POM121C: variants seen among roughly 807,000 people sequenced by gnomAD.
The protein encoded by POM121C is nuclear envelope pore membrane protein POM 121C.
In POM121C, 20 loss-of-function variants were observed where a neutral mutation model predicts 66.4. The observed-to-expected ratio is 0.30, with a 90% confidence interval of 0.21 to 0.44. POM121C has a LOEUF of 0.44. Among genes scored for constraint, POM121C ranks in the 20% least tolerant of loss-of-function variants. The pLI is 1.00. For synonymous variants in POM121C, 286 were observed against 528.0 expected, an observed-to-expected ratio of 0.54 and a Z score of 6.28; for missense variants, 580 against 1,225.7, an observed-to-expected ratio of 0.47 and a Z score of 7.87.
chr7:75,435,882 T>C (rs1472313973), intron 7 of POM121C, among the ~76,000 whole-genome samples: 1 of 152,092 alleles, frequency 6.6e-6, no homozygotes, highest in Non-Finnish European at 1.5e-5. Flanking sequence ...AAACCTTGTG[T>C]CAAACTAAAA....
At chr7:75,479,665 A>G (rs1792237581) in intron 1 of POM121C, among the ~76,000 whole-genome samples, 1 of 150,292 alleles carries the variant, frequency 6.7e-6, no homozygotes, top group Non-Finnish European at 1.5e-5. Context: ...AGTTTAATTA[A>G]CAACAACGTA....
chr7:75,475,588 C>A (rs1792043184), intron 1 of POM121C, among the ~76,000 whole-genome samples: 3 of 151,294 alleles, frequency 2.0e-5, no homozygotes, highest in African/African-American at 7.3e-5. Context: ...GTTGGAGTGC[C>A]CACCACTCAG....
intron 3 of POM121C, among the ~76,000 whole-genome samples, chr7:75,443,346 T>A (rs1429816350): frequency 6.6e-6 from 1 of 150,980 alleles, no homozygotes; most frequent in Non-Finnish European, 1.5e-5. Context: ...GGCTTTCTCG[T>A]AGCAGCATAA....
chr7:75,457,011 G>C (rs1322871513), intron 3 of POM121C, among the ~76,000 whole-genome samples: 1 of 150,066 alleles, frequency 6.7e-6, no homozygotes, highest in Non-Finnish European at 1.5e-5. Flanking sequence ...GCTGGGCATG[G>C]TGGCAGGCGC....
intron 3 of POM121C, among the ~76,000 whole-genome samples, chr7:75,466,209 A>G (rs1191508742): frequency 1.7e-5 from 2 of 120,238 alleles, no homozygotes; most frequent in East Asian, 2.4e-3. Flanking sequence ...GAGAAGAAGC[A>G]ATAAAAAAAA....
At chr7:75,430,521 A>G (rs1790125431) in intron 7 of POM121C, among the ~76,000 whole-genome samples, 1 of 152,328 alleles carries the variant, frequency 6.6e-6, no homozygotes, top group East Asian at 1.9e-4. Flanking sequence ...CACAAAAATC[A>G]ATTTCAGGTG....
rs1789497742 is a variant in POM121C, at chr7:75,417,112, A to G, written c.*1684T>C. 1 of 1,023,442 alleles carries G rather than the reference A, an allele frequency of 9.8e-7. No homozygotes were observed. The highest frequency in any genetic ancestry group is 4.0e-5 in the South Asian group (1 of 25,114). The allele number at this position is 1,023,442 out of a possible 1,614,324, so 63.4% of individuals were successfully genotyped here. The stretch of plus-strand genomic sequence containing the variant: ...GACCCTCCAATCCTAACAGGTATTT[A>G]GGCTTGAGGTTCACTCCCTCCTCAG... On this transcript the variant is annotated 3_prime_UTR_variant, in exon 15 of 15. Transcript: ENST00000615331.
chr7:75,427,614 A>G (rs1384883345), intron 7 of POM121C, among the ~76,000 whole-genome samples: 56 of 151,754 alleles, frequency 3.7e-4, no homozygotes, highest in African/African-American at 9.4e-4. Context: ...ACAGACCAGC[A>G]GCAAAGTAGA....
intron 3 of POM121C, among the ~76,000 whole-genome samples, chr7:75,459,566 C>A (rs1791374102): frequency 1.3e-5 from 1 of 77,490 alleles, no homozygotes; most frequent in Non-Finnish European, 2.3e-5. Context: ...CACCAGTGCA[C>A]TCCAGCCTGG....
intron 1 of POM121C, among the ~76,000 whole-genome samples, chr7:75,484,824 A>T (rs1554480638): frequency 1.3e-5 from 2 of 152,072 alleles, no homozygotes; most frequent in Non-Finnish European, 2.9e-5. Context: ...AAAGAAAAAA[A>T]ATTCCCATTA....
At chr7:75,452,887 ACAGT>A (rs782173392) in intron 3 of POM121C, among the ~76,000 whole-genome samples, 15 of 152,156 alleles carry the variant, frequency 9.9e-5, no homozygotes, top group Non-Finnish European at 2.2e-4. Flanking sequence ...TGTGGCAGAA[ACAGT>A]CAGTTGCATC....
At chr7:75,421,434 C>A in intron 13 of POM121C, 75 bp downstream of exon 13, 1 of 1,599,848 alleles carries the variant, frequency 6.3e-7, no homozygotes, top group Non-Finnish European at 8.5e-7. Flanking sequence ...AGCATAAGCT[C>A]CCCGAGACCA....
chr7:75,437,654 T>C lies in POM121C; in HGVS notation c.341A>G (p.Gln114Arg), dbSNP rs587775631. The change falls in exon 7 of 15, where the codon CAG (glutamine) becomes CGG (arginine). Residue 114 changes from glutamine (Q) to arginine (R), a missense_variant. Transcript: ENST00000615331. Reference sequence around the variant, plus strand: ...CTTATTCAAGTGGTCATCTGAGCTCTGAGAATTGAGGCCTCTCTTCAGAGA... The same window carrying C: ...CTTATTCAAGTGGTCATCTGAGCTCCGAGAATTGAGGCCTCTCTTCAGAGA... ...PGSLKRGLNS[Q>R]SSDDHLNKRS... The C allele has an allele frequency of 7.2e-5, 116 of 1,612,842 alleles. 1 individual carries two copies. The South Asian group carries it at 1.2e-3, about 17-fold the overall frequency.
At chr7:75,468,049 T>C (rs1380789567) in intron 3 of POM121C, among the ~76,000 whole-genome samples, 2 of 145,204 alleles carry the variant, frequency 1.4e-5, no homozygotes, top group Non-Finnish European at 3.0e-5. Context: ...GGAGAATTGC[T>C]TGAACTGAGG....
intron 1 of POM121C, among the ~76,000 whole-genome samples, chr7:75,478,357 C>G (rs1435750701): frequency 1.3e-5 from 2 of 152,040 alleles, no homozygotes; most frequent in Non-Finnish European, 2.9e-5. Context: ...TCAACTTCTG[C>G]CTTGAGCGTT....
intron 3 of POM121C, chr7:75,442,789 C>A: frequency 1.6e-6 from 2 of 1,274,488 alleles, no homozygotes; most frequent in Non-Finnish European, 2.0e-6. Context: ...CGTCATCGCG[C>A]GCCCGCCACG....
At chr7:75,438,773 T>C (rs587668521) in intron 6 of POM121C, among the ~76,000 whole-genome samples, 1 of 152,336 alleles carries the variant, frequency 6.6e-6, no homozygotes, top group Non-Finnish European at 1.5e-5. Context: ...TTGAGCCACT[T>C]TCCTTTCCAC....
chr7:75,471,926 C>G (rs1470615550), intron 3 of POM121C, among the ~76,000 whole-genome samples: 1 of 152,030 alleles, frequency 6.6e-6, no homozygotes, highest in Non-Finnish European at 1.5e-5. Flanking sequence ...GGCTCTGTCG[C>G]CCAGGCTGGA....
chr7:75,463,305 T>C (rs1349028520), intron 3 of POM121C, among the ~76,000 whole-genome samples: 7 of 151,910 alleles, frequency 4.6e-5, no homozygotes, highest in Admixed American at 1.3e-4. Context: ...GATCGTGCCA[T>C]TGTACTTCAG....
Sources: allele counts gnomAD v4.1 joint callset (sites outside exome capture counted in the v4.1 genomes callset), GRCh38; gene constraint gnomAD v4.1.1; transcripts MANE v1.5; gene names NCBI Gene and HGNC (gene_info 2026-07-23, HGNC 2026-07-21).